Variants in MUC22 observed in about 807,000 individuals in gnomAD.
MUC22 encodes the protein mucin-22.
In MUC22, 24 loss-of-function variants were observed where a neutral mutation model predicts 40.3. The observed-to-expected ratio is 0.60, with a 90% CI of 0.43 to 0.84. The LOEUF (loss-of-function observed/expected upper bound fraction) is 0.84. Among genes scored for constraint, MUC22 ranks in the 40% least tolerant of loss-of-function variants. MUC22 has a pLI of 0.00. For missense variants in MUC22, 1,926 were observed against 2,130.7 expected (o/e 0.90, Z 1.89); for synonymous variants, 765 against 844.5 (o/e 0.91, Z 1.63).
Position 31,032,394 on chromosome 6 carries a change from A to AG in MUC22, c.4869dup (p.Pro1624AlafsTer20). ...AGGACCACCACAGGATCCACCCGTG[A>AG]GCCAACCAGCAGCACCTTCCAGGAA... On this transcript the variant is annotated frameshift_variant, in exon 3 of 4. Transcript: ENST00000561890. LOFTEE classifies it high-confidence loss of function. The surrounding 1 kb of genome is among the most constrained non-coding windows in gnomAD (Gnocchi z 4.1). 6.5e-7 allele frequency: 1 copy of AG among 1,535,722 alleles called. No homozygotes were observed.
At chr6:31,027,695 C>T in exon 2 of MUC22, 1 of 1,532,586 alleles carries the variant, frequency 6.5e-7, no homozygotes, top group Non-Finnish European at 8.7e-7. Flanking sequence ...GGCTCTGACA[C>T]CACCACAGCC....
chr6:31,027,227 C>G (rs1418233698), exon 2 of MUC22: 1 of 1,503,774 alleles, frequency 6.6e-7, no homozygotes, highest in African/African-American at 1.4e-5. Flanking sequence ...ACCACAGTCT[C>G]TACCACAGGC....
At chr6:31,022,280 C>T (rs9394029) in intron 1 of MUC22, among the ~76,000 whole-genome samples, 2 of 152,066 alleles carry the variant, frequency 1.3e-5, no homozygotes, top group African/African-American at 4.8e-5. Context: ...GCCTCAGCTT[C>T]TCGAGTAGCT....
At position 31,011,440 on chromosome 6, in the gene MUC22, A is replaced by C. The variant is rs1763864183; in HGVS notation, c.70+664A>C. On this transcript the variant is annotated intron_variant, in intron 1 of 3. Transcript: ENST00000561890. The surrounding 1 kb of genome is among the most constrained non-coding windows in gnomAD (Gnocchi z 4.5). Reference sequence around the variant, plus strand: ...AGCTCCCACCTATCAGTGAGAACATACGATGTTTGGTTTTCCATTCCTGAG... The same window carrying C: ...AGCTCCCACCTATCAGTGAGAACATCCGATGTTTGGTTTTCCATTCCTGAG... 6.6e-6 allele frequency among the ~76,000 whole-genome samples: 1 copy of C among 152,178 alleles called. No individual in the cohort carries two copies. The highest frequency in any genetic ancestry group is 1.5e-5 in the Non-Finnish European group (1 of 68,040).
chr6:31,020,440 A>ATTTTTT lies in MUC22; in HGVS notation c.71-5062_71-5061insTTTTTT, dbSNP rs1764588893. 4.9e-5 allele frequency among the ~76,000 whole-genome samples: 4 copies of ATTTTTT among 82,200 alleles called. No homozygotes were observed. In the East Asian group the frequency reaches 1.8e-3, roughly 37 times the overall value. The allele number at this position is 82,200 out of a possible 152,430, so 53.9% of individuals were successfully genotyped here. On this transcript the variant is annotated intron_variant, in intron 1 of 3. Transcript: ENST00000561890. ...GGAAGACCTTGCCTCCTGGAAATTG[A>ATTTTTT]CTTTTTTTTTTTTTTTTTTTGATAC...
At chr6:31,028,180 A>G in exon 2 of MUC22, 2 of 1,534,204 alleles carry the variant, frequency 1.3e-6, no homozygotes, top group Admixed American at 2.0e-5. Context: ...TGAGAGGACC[A>G]TCACCTCTAC....
intron 1 of MUC22, among the ~76,000 whole-genome samples, chr6:31,023,591 A>G (rs1283439947): frequency 6.6e-6 from 1 of 152,216 alleles, no homozygotes; most frequent in Non-Finnish European, 1.5e-5. Flanking sequence ...TTAAATGTAT[A>G]TGGTCCAGAC....
chr6:31,030,255 T>C (rs1219163376), intron 2 of MUC22, among the ~76,000 whole-genome samples, 155 bp downstream of exon 2: 1 of 152,182 alleles, frequency 6.6e-6, no homozygotes, highest in African/African-American at 2.4e-5. Flanking sequence ...CGGTGGCTCA[T>C]GCCTGTAATC....
intron 1 of MUC22, among the ~76,000 whole-genome samples, chr6:31,018,951 C>G (rs1239553458): frequency 1.6e-5 from 2 of 127,964 alleles, no homozygotes; most frequent in Non-Finnish European, 3.4e-5. Flanking sequence ...GCCCTATTCT[C>G]CAACATACTC....
intron 1 of MUC22, among the ~76,000 whole-genome samples, chr6:31,014,254 T>C (rs1340109959): frequency 6.6e-6 from 1 of 152,192 alleles, no homozygotes; most frequent in Non-Finnish European, 1.5e-5. Flanking sequence ...GTTTTCTTCA[T>C]ATATGTAATT....
intron 1 of MUC22, among the ~76,000 whole-genome samples, chr6:31,023,653 A>C (rs933122922): frequency 6.6e-6 from 1 of 152,218 alleles, no homozygotes; most frequent in African/African-American, 2.4e-5. Context: ...GAAAGCCCCA[A>C]ATAAATAATA....
In MUC22 at chr6:31,028,527, T is replaced by C. The variant is rs778447627; in HGVS notation, c.3096T>C (p.Ser1032=). The C allele has an allele frequency of 7.2e-5, 110 of 1,533,208 alleles. 3 individuals carry two copies. The African/African-American group carries it at 1.2e-3, about 17-fold the overall frequency. The allele number at this position is 1,533,208 out of a possible 1,614,324, so 95.0% of individuals were successfully genotyped here. Residue 1032 remains serine, a synonymous_variant, in exon 2 of 4, where the codon TCT becomes TCC. Transcript: ENST00000561890. Reference sequence around the variant, plus strand: ...CCACCATGGCATCCATCATGGGCTCTGAGACCACTATGGCCTCTACCATAG... The same window carrying C: ...CCACCATGGCATCCATCATGGGCTCCGAGACCACTATGGCCTCTACCATAG...
At chr6:31,024,110 T>C (rs1223550039) in intron 1 of MUC22, among the ~76,000 whole-genome samples, 1 of 151,986 alleles carries the variant, frequency 6.6e-6, no homozygotes, top group African/African-American at 2.4e-5. Context: ...GAAAATTCTA[T>C]AAAATAATTG....
chr6:31,034,561 A>T (rs1281308061), intron 3 of MUC22, 111 bp from the exon 4 acceptor site: 3 of 838,280 alleles, frequency 3.6e-6, no homozygotes, highest in Non-Finnish European at 3.6e-6. Flanking sequence ...AGAAGAGAAC[A>T]TGGGCAGTTT....
upstream of MUC22, among the ~76,000 whole-genome samples, chr6:31,006,686 T>G (rs1763541981): frequency 6.6e-6 from 1 of 152,110 alleles, no homozygotes; most frequent in Admixed American, 6.6e-5. Flanking sequence ...CATACTGTGA[T>G]ATATGTATAG....
intron 1 of MUC22, among the ~76,000 whole-genome samples, chr6:31,022,278 T>C (rs1634729): frequency 0.92 from 140,255 of 152,094 alleles, 64,839 homozygotes; most frequent in East Asian, 0.98. Context: ...CTGCCTCAGC[T>C]TCTCGAGTAG....
In MUC22 at chr6:31,011,502, A is replaced by T. The variant is rs1053284584; in HGVS notation, c.70+726A>T. Among the ~76,000 whole-genome samples, 1 of 152,204 alleles carries T rather than the reference A, an allele frequency of 6.6e-6. No homozygotes were observed. Among genetic ancestry groups the T allele is most frequent in the East Asian group, 1.9e-4 (1 of 5,196 alleles). On this transcript the variant is annotated intron_variant, in intron 1 of 3. Coordinates refer to ENST00000561890, the Ensembl canonical transcript of MUC22. This position sits in a 1 kb window ranked among gnomAD's most constrained non-coding sequence, Gnocchi z 4.5. ...AGAATAATAGTCTACAGTCTCATCC[A>T]GGTCACTGCAAATGCCATTAATTCA...
rs183314122 is a variant in MUC22 at position 31,010,943 on chromosome 6, A to G, written c.70+167A>G. On this transcript the variant is annotated intron_variant, in intron 1 of 3. Transcript: ENST00000561890. ...TCTGCAAAAGCCAGTACTGATCCCA[A>G]TTCCACTGACCATGATTCTGATGCT... Among the ~76,000 whole-genome samples, 279 of 145,874 alleles carry G rather than the reference A, an allele frequency of 1.9e-3. 1 individual carries two copies. The highest frequency in any genetic ancestry group is 6.5e-3 in the African/African-American group (251 of 38,842).
exon 2 of MUC22, chr6:31,027,661 G>C: frequency 6.5e-7 from 1 of 1,531,012 alleles, no homozygotes; most frequent in East Asian, 2.5e-5. Context: ...TACAGGCTTG[G>C]AGACCACCAC....
Sources: allele counts gnomAD v4.1 joint callset (sites outside exome capture counted in the v4.1 genomes callset), GRCh38; gene constraint gnomAD v4.1.1; non-coding constraint Gnocchi (gnomAD v3.1); transcripts MANE v1.5; gene names NCBI Gene and HGNC (gene_info 2026-07-23, HGNC 2026-07-21).